The following LUZP2 variants were observed in gnomAD, a reference collection of about 807,000 sequenced individuals.
The protein encoded by LUZP2 is leucine zipper protein 2.
Under a neutral mutation model 51.6 loss-of-function variants are expected in LUZP2, and 52 were observed. The observed-to-expected ratio is 1.01, with a 90% CI of 0.81 to 1.27. The LOEUF (loss-of-function observed/expected upper bound fraction) is 1.27, where lower values mean the gene tolerates loss of function less well. LUZP2 is among the 50% of genes most tolerant of loss of function. The pLI, the probability that LUZP2 is intolerant of heterozygous loss-of-function variation, is 0.00. For missense variants in LUZP2, 436 were observed against 395.4 expected, an observed-to-expected ratio of 1.10 and a Z score of -0.87; for synonymous variants, 154 against 137.3, an observed-to-expected ratio of 1.12 and a Z score of -0.85.
At chr11:24,934,255 G>A (rs1854534058) in intron 7 of LUZP2, among the ~76,000 whole-genome samples, 1 of 152,198 alleles carries the variant, frequency 6.6e-6, no homozygotes, top group Non-Finnish European at 1.5e-5. Flanking sequence ...TGATGGCTTA[G>A]CTTGGGCTCG....
At chr11:24,540,006 A>G (rs987340883) in intron 1 of LUZP2, among the ~76,000 whole-genome samples, 3 of 152,046 alleles carry the variant, frequency 2.0e-5, no homozygotes, top group Admixed American at 6.6e-5. Flanking sequence ...TCATTACATG[A>G]ATTCTTTAAC....
intron 7 of LUZP2, among the ~76,000 whole-genome samples, chr11:24,943,499 T>C (rs566643182): frequency 6.6e-6 from 1 of 152,294 alleles, no homozygotes; most frequent in South Asian, 2.1e-4. Context: ...TATTTGAGTG[T>C]CAGTCACCTT....
At chr11:24,831,456 A>T (rs1253395854) in intron 5 of LUZP2, among the ~76,000 whole-genome samples, 3 of 152,214 alleles carry the variant, frequency 2.0e-5, no homozygotes, top group Non-Finnish European at 4.4e-5. Flanking sequence ...ACAGAATGAG[A>T]TGCTTTTAAA....
At chr11:24,829,743 G>A (rs1850643908) in intron 5 of LUZP2, among the ~76,000 whole-genome samples, 2 of 152,204 alleles carry the variant, frequency 1.3e-5, no homozygotes, top group African/African-American at 4.8e-5. Flanking sequence ...AGAAACTTGA[G>A]TATGCTGTGA....
intron 5 of LUZP2, among the ~76,000 whole-genome samples, chr11:24,809,075 A>G (rs992224837): frequency 2.2e-4 from 34 of 152,146 alleles, no homozygotes; most frequent in African/African-American, 7.2e-4. Flanking sequence ...TTTCATATTA[A>G]GAACTTATGA....
At chr11:24,763,420 C>T (rs890865657) in intron 5 of LUZP2, 112 bp downstream of exon 5, 2 of 413,922 alleles carry the variant, frequency 4.8e-6, no homozygotes, top group Non-Finnish European at 8.8e-6. Flanking sequence ...ATTTAATTTT[C>T]AGTTATAAAC....
chr11:24,970,680 A>AGTTATACCTTCAT (rs1256127676), intron 7 of LUZP2, among the ~76,000 whole-genome samples: 1 of 152,174 alleles, frequency 6.6e-6, no homozygotes, highest in African/African-American at 2.4e-5. Context: ...CATCCAACAC[A>AGTTATACCTTCAT]GTTATACCTT....
At chr11:24,675,128 G>A (rs1464296125) in intron 1 of LUZP2, among the ~76,000 whole-genome samples, 4 of 152,178 alleles carry the variant, frequency 2.6e-5, no homozygotes, top group Admixed American at 2.6e-4. Context: ...TAGAAAATTA[G>A]AGTGTGGTTC....
chr11:24,945,239 A>T (rs1438077449), intron 7 of LUZP2, among the ~76,000 whole-genome samples: 4 of 152,196 alleles, frequency 2.6e-5, no homozygotes, highest in Admixed American at 6.5e-5. Context: ...TGAAAAAAAT[A>T]AAGTAGGTGA....
At chr11:24,934,646 A>T (rs912455197) in intron 7 of LUZP2, among the ~76,000 whole-genome samples, 6 of 152,240 alleles carry the variant, frequency 3.9e-5, no homozygotes, top group African/African-American at 7.2e-5. Flanking sequence ...AAAACAAAAC[A>T]TTTAAAATGT....
intron 9 of LUZP2, among the ~76,000 whole-genome samples, chr11:25,044,038 A>ATATATATATCTGATATATATAGAGTC (rs1858177068): frequency 2.6e-4 from 3 of 11,338 alleles, no homozygotes; most frequent in African/African-American, 4.8e-4. Context: ...TATAGAGTCT[A>ATATATATATCTGATATATATAGAGTC]TATATATATC....
At chr11:24,539,062 T>C (rs983709036) in intron 1 of LUZP2, among the ~76,000 whole-genome samples, 4 of 151,872 alleles carry the variant, frequency 2.6e-5, no homozygotes, top group African/African-American at 9.7e-5. Context: ...CTCAGTATAA[T>C]ATTGGTTTTG....
At chr11:24,964,746 A>C (rs1434042142) in intron 7 of LUZP2, among the ~76,000 whole-genome samples, 2 of 152,016 alleles carry the variant, frequency 1.3e-5, no homozygotes, top group Non-Finnish European at 2.9e-5. Flanking sequence ...GAAATCAATA[A>C]ATTCTATAGT....
intron 5 of LUZP2, among the ~76,000 whole-genome samples, chr11:24,831,282 G>A (rs1284951178): frequency 6.6e-6 from 1 of 152,028 alleles, no homozygotes; most frequent in African/African-American, 2.4e-5. Flanking sequence ...TATGCCAAAG[G>A]CAGAGATATT....
At chr11:24,972,671 T>C (rs1045297744) in intron 7 of LUZP2, among the ~76,000 whole-genome samples, 1 of 152,126 alleles carries the variant, frequency 6.6e-6, no homozygotes, top group Admixed American at 6.6e-5. Flanking sequence ...TCTGTGTCTA[T>C]TGAGATAATC....
intron 1 of LUZP2, among the ~76,000 whole-genome samples, chr11:24,675,789 A>ATTTATTTATT (rs376929981): frequency 3.7e-5 from 5 of 136,800 alleles, no homozygotes; most frequent in Non-Finnish European, 4.7e-5. Context: ...TCTTTTTTTT[A>ATTTATTTATT]TATTTATTTA....
intron 1 of LUZP2, among the ~76,000 whole-genome samples, chr11:24,528,475 T>G (rs991084654): frequency 6.6e-6 from 1 of 151,348 alleles, no homozygotes; most frequent in African/African-American, 2.4e-5. Flanking sequence ...AAAATGGTGA[T>G]TCTCACCAGG....
chr11:24,689,068 T>C (rs1024484700), intron 1 of LUZP2, among the ~76,000 whole-genome samples: 1 of 152,112 alleles, frequency 6.6e-6, no homozygotes, highest in Non-Finnish European at 1.5e-5. Flanking sequence ...AGGCAAGTTT[T>C]AGGGCAGGAG....
At chr11:24,885,829 G>A (rs1469638520) in intron 5 of LUZP2, among the ~76,000 whole-genome samples, 4 of 152,102 alleles carry the variant, frequency 2.6e-5, no homozygotes, top group African/African-American at 9.7e-5. Flanking sequence ...TCGATTCTAA[G>A]TGAAGAATAG....
Sources: allele counts gnomAD v4.1 joint callset (sites outside exome capture counted in the v4.1 genomes callset), GRCh38; gene constraint gnomAD v4.1.1; transcripts MANE v1.5; gene names NCBI Gene and HGNC (gene_info 2026-07-23, HGNC 2026-07-21).